The following IFT74 variants were observed in gnomAD, a reference collection of about 807,000 sequenced individuals.
The protein encoded by IFT74 is intraflagellar transport protein 74 homolog.
A neutral mutation model predicts 96.7 loss-of-function variants in IFT74; 92 were observed. That is an observed-to-expected ratio of 0.95 (90% CI 0.80 to 1.13). The LOEUF (loss-of-function observed/expected upper bound fraction) is 1.13, where lower values mean the gene tolerates loss of function less well. Ranked by LOEUF, IFT74 falls within the 50% of genes most tolerant of loss-of-function variation. IFT74 has a pLI of 0.00. For missense variants in IFT74, 811 were observed against 698.2 expected (o/e 1.16, Z -1.82); for synonymous variants, 223 against 213.2 (o/e 1.05, Z -0.40).
At chr9:27,025,214 G>A (rs1411619558) in intron 12 of IFT74, among the ~76,000 whole-genome samples, 1 of 152,002 alleles carries the variant, frequency 6.6e-6, no homozygotes, top group East Asian at 1.9e-4. Context: ...GGAGGCCGAG[G>A]TGGGCGGAAC....
chr9:26,988,668 G>C lies in IFT74; in HGVS notation c.466-1G>C. 1 of 1,544,660 alleles carries C rather than the reference G, an allele frequency of 6.5e-7. No individual in the cohort carries two copies. Among genetic ancestry groups the C allele is most frequent in the South Asian group, 1.2e-5 (1 of 86,192 alleles). On this transcript the variant is annotated splice_acceptor_variant, in intron 6 of 19. Transcript: ENST00000380062. LOFTEE classifies it high-confidence loss of function. Reference sequence around the variant, plus strand: ...TTGTTTGTTTGTATTTTTGTTTTTAGTTGGTAGATAAACTTAATACCAACA... The same window carrying C: ...TTGTTTGTTTGTATTTTTGTTTTTACTTGGTAGATAAACTTAATACCAACA...
intron 9 of IFT74, among the ~76,000 whole-genome samples, chr9:27,010,582 C>G (rs1466287038): frequency 6.6e-6 from 1 of 151,534 alleles, no homozygotes; most frequent in Non-Finnish European, 1.5e-5. Context: ...CTCCGCCTCC[C>G]AGGTTCATGC....
chr9:27,031,732 T>TAAATA (rs199561580), intron 13 of IFT74, among the ~76,000 whole-genome samples: 28,469 of 127,656 alleles, frequency 0.22, 3,302 homozygotes, highest in East Asian at 0.26. Flanking sequence ...AATAAAATAA[T>TAAATA]AAATAAAATA....
intron 2 of IFT74, among the ~76,000 whole-genome samples, chr9:26,973,206 G>A (rs1587263477): frequency 6.6e-6 from 1 of 152,186 alleles, no homozygotes; most frequent in South Asian, 2.1e-4. Context: ...TGAGAATGGT[G>A]TAACGGTTGG....
At chr9:26,972,667 A>G (rs1457710139) in intron 2 of IFT74, among the ~76,000 whole-genome samples, 1 of 152,180 alleles carries the variant, frequency 6.6e-6, no homozygotes, top group Non-Finnish European at 1.5e-5. Context: ...GTATGAGTCA[A>G]TCCATACACA....
intron 8 of IFT74, among the ~76,000 whole-genome samples, chr9:27,000,770 C>G (rs181261700): frequency 6.6e-6 from 1 of 152,220 alleles, no homozygotes; most frequent in Non-Finnish European, 1.5e-5. Flanking sequence ...AGCAAACCAC[C>G]GTGGCACATG....
chr9:26,947,735 T>A (rs961434334), intron 1 of IFT74, among the ~76,000 whole-genome samples: 6 of 152,206 alleles, frequency 3.9e-5, no homozygotes, highest in African/African-American at 1.4e-4. Flanking sequence ...GAACTATTCC[T>A]CCGTTTCAAG....
At chr9:27,057,286 C>A (rs1820210872) in intron 18 of IFT74, among the ~76,000 whole-genome samples, 1 of 152,110 alleles carries the variant, frequency 6.6e-6, no homozygotes, top group Non-Finnish European at 1.5e-5. Flanking sequence ...TCATATCACT[C>A]ATCTTGCTGA....
chr9:27,029,569 G>C (rs1443182347), intron 13 of IFT74, among the ~76,000 whole-genome samples: 9 of 151,914 alleles, frequency 5.9e-5, no homozygotes, highest in Non-Finnish European at 1.3e-4. Context: ...CCAACATGGA[G>C]AAACCACATC....
At chr9:27,060,283 C>G (rs1160687900) in intron 18 of IFT74, among the ~76,000 whole-genome samples, 2 of 152,046 alleles carry the variant, frequency 1.3e-5, no homozygotes, top group African/African-American at 4.8e-5. Flanking sequence ...TCCCATTTTT[C>G]TTTTAAAAGT....
intron 13 of IFT74, among the ~76,000 whole-genome samples, chr9:27,039,636 C>T (rs944855324): frequency 1.3e-5 from 2 of 152,108 alleles, no homozygotes; most frequent in African/African-American, 4.8e-5. Flanking sequence ...GTCTTATTTT[C>T]CTTGTCATTA....
intron 12 of IFT74, among the ~76,000 whole-genome samples, chr9:27,024,020 C>G (rs1829736602): frequency 6.6e-6 from 1 of 152,108 alleles, no homozygotes; most frequent in South Asian, 2.1e-4. Context: ...CAGCTGATGC[C>G]CTCTTGAAAG....
chr9:26,998,317 A>T (rs1828283494), intron 8 of IFT74: 3 of 903,656 alleles, frequency 3.3e-6, no homozygotes, highest in South Asian at 2.3e-5. Flanking sequence ...ATATTTAAGC[A>T]CTTAGACATT....
chr9:27,064,375 GA>G lies in IFT74; in HGVS notation c.*1646del, dbSNP rs1243247668. 6.6e-6 allele frequency among the ~76,000 whole-genome samples: 1 copy of G among 151,854 alleles called. No individual in the cohort carries two copies. The highest frequency in any genetic ancestry group is 6.6e-5 in the Admixed American group (1 of 15,242). ...AAAGTGCTTATAAAATTTCACAAGG[GA>G]AAAAAACTCTTTTAGCAGTTAAAGA... On this transcript the variant is annotated 3_prime_UTR_variant, in exon 20 of 20. Coordinates refer to ENST00000380062, the MANE Select transcript of IFT74 (RefSeq NM_025103.4).
At chr9:26,998,099 A>G in intron 8 of IFT74, 1 of 1,613,516 alleles carries the variant, frequency 6.2e-7, no homozygotes, top group South Asian at 1.1e-5. Context: ...GAGCTCTGTG[A>G]GTAAAAAGTA....
At chr9:27,022,200 T>TA (rs1829640912) in intron 12 of IFT74, among the ~76,000 whole-genome samples, 1 of 152,216 alleles carries the variant, frequency 6.6e-6, no homozygotes, top group Non-Finnish European at 1.5e-5. Flanking sequence ...TACATGTTTT[T>TA]ATGCCAATAC....
At chr9:27,049,017 T>C (rs1236475213) in intron 16 of IFT74, among the ~76,000 whole-genome samples, 1 of 152,114 alleles carries the variant, frequency 6.6e-6, no homozygotes, top group Non-Finnish European at 1.5e-5. Flanking sequence ...GTAATTAGTA[T>C]GTTCTCTGTG....
At chr9:26,957,752 G>A (rs751025240) in intron 1 of IFT74, among the ~76,000 whole-genome samples, 1 of 152,006 alleles carries the variant, frequency 6.6e-6, no homozygotes, top group Non-Finnish European at 1.5e-5. Context: ...TGGACATAGA[G>A]TGTAGAAACA....
At chr9:27,012,488 G>C (rs1362374793) in intron 10 of IFT74, among the ~76,000 whole-genome samples, 1 of 152,104 alleles carries the variant, frequency 6.6e-6, no homozygotes, top group Non-Finnish European at 1.5e-5. Context: ...AATGTGCTGG[G>C]ATTACAGGCA....
Sources: gnomAD v4.1 joint callset for allele counts (sites outside exome capture counted in the v4.1 genomes callset) on GRCh38, gnomAD v4.1.1 for gene constraint, MANE v1.5 for transcripts, NCBI Gene and HGNC (gene_info 2026-07-23, HGNC 2026-07-21) for gene names.